Variants in TMEM132B observed in about 807,000 individuals in gnomAD.
TMEM132B encodes the protein transmembrane protein 132B.
TMEM132B carries 18 observed loss-of-function variants against 90.8 expected under a neutral mutation model. The observed-to-expected ratio is 0.20, with a 90% confidence interval of 0.14 to 0.29. The LOEUF (loss-of-function observed/expected upper bound fraction) is 0.29. Ranked by LOEUF, TMEM132B falls within the 10% of genes least tolerant of loss-of-function variation. The pLI is 1.00. For synonymous variants in TMEM132B, 504 were observed against 523.3 expected (o/e 0.96, Z 0.50); for missense variants, 1,096 against 1,326.8 (o/e 0.83, Z 2.70).
At chr12:125,220,526 G>T (rs1873533096) in intron 1 of TMEM132B, among the ~76,000 whole-genome samples, 2 of 152,244 alleles carry the variant, frequency 1.3e-5, no homozygotes. Flanking sequence ...GCCAGCCTTG[G>T]AGAAAGTGAC....
intron 1 of TMEM132B, among the ~76,000 whole-genome samples, chr12:125,235,714 A>G (rs1873920008): frequency 6.6e-6 from 1 of 151,544 alleles, no homozygotes; most frequent in Non-Finnish European, 1.5e-5. Context: ...ACTCGTACAA[A>G]TATGTGACCC....
At chr12:125,426,490 G>A (rs1386245413) in intron 3 of TMEM132B, among the ~76,000 whole-genome samples, 1 of 152,164 alleles carries the variant, frequency 6.6e-6, no homozygotes, top group Non-Finnish European at 1.5e-5. Context: ...GCAGAAGAAA[G>A]CATACTTGGG....
At chr12:125,548,736 A>C (rs1244352858) in intron 4 of TMEM132B, among the ~76,000 whole-genome samples, 1 of 152,220 alleles carries the variant, frequency 6.6e-6, no homozygotes, top group African/African-American at 2.4e-5. Context: ...GGGTTTGAGC[A>C]GAGGAGTTGA....
At chr12:125,255,229 C>T (rs1284326834) in intron 1 of TMEM132B, among the ~76,000 whole-genome samples, 1 of 151,624 alleles carries the variant, frequency 6.6e-6, no homozygotes, top group Admixed American at 6.6e-5. Context: ...GGAGCAAATT[C>T]TCTCTCTTCT....
At chr12:125,454,716 ATTTG>A (rs1881246505) in intron 3 of TMEM132B, among the ~76,000 whole-genome samples, 1 of 152,220 alleles carries the variant, frequency 6.6e-6, no homozygotes, top group Non-Finnish European at 1.5e-5. Flanking sequence ...AGGTTTCTCC[ATTTG>A]TTTGCTTTGC....
Position 125,661,998 on chromosome 12 carries a change from G to T in TMEM132B, c.*7288G>T, listed in dbSNP as rs1887215654. 3 of 152,266 alleles carry T rather than the reference G, an allele frequency of 2.0e-5. No individual in the cohort carries two copies. Among genetic ancestry groups the T allele is most frequent in the African/African-American group, 7.2e-5 (3 of 41,442 alleles). The allele number at this position is 152,266 out of a possible 1,614,324, so 9.4% of individuals were successfully genotyped here. On this transcript the variant is annotated 3_prime_UTR_variant, in exon 9 of 9. Transcript: ENST00000682704. ...CCAGCCTCAGACTCTTCTCAGGCAG[G>T]TGGACCGGATCTCAGCTGCAGAACA...
chr12:125,337,137 A>G, intron 1 of TMEM132B, among the ~76,000 whole-genome samples: 1 of 152,132 alleles, frequency 6.6e-6, no homozygotes, highest in Admixed American at 6.5e-5. Flanking sequence ...GAGTGTCTTT[A>G]TCTCCTCCTT....
intron 3 of TMEM132B, among the ~76,000 whole-genome samples, chr12:125,488,791 G>A (rs1004509554): frequency 1.3e-5 from 2 of 152,226 alleles, no homozygotes; most frequent in African/African-American, 4.8e-5. Flanking sequence ...TTCTGGACTT[G>A]GCTTAGCCCA....
chr12:125,432,207 G>A (rs1013456691), intron 3 of TMEM132B, among the ~76,000 whole-genome samples: 1 of 151,406 alleles, frequency 6.6e-6, no homozygotes, highest in African/African-American at 2.4e-5. Context: ...TGCATGGTCT[G>A]CCAGGCTGGT....
At chr12:125,303,923 T>G (rs556825320) in intron 1 of TMEM132B, among the ~76,000 whole-genome samples, 1 of 152,374 alleles carries the variant, frequency 6.6e-6, no homozygotes, top group African/African-American at 2.4e-5. Context: ...TCTCCCATTC[T>G]GTGAGCTGTC....
chr12:125,272,914 A>G (rs1206834229), intron 1 of TMEM132B, among the ~76,000 whole-genome samples: 1 of 152,210 alleles, frequency 6.6e-6, no homozygotes, highest in Admixed American at 6.5e-5. Flanking sequence ...AAACAGTCAG[A>G]TGCCGGGGGT....
intron 1 of TMEM132B, among the ~76,000 whole-genome samples, chr12:125,221,843 T>C (rs1420335588): frequency 2.0e-5 from 3 of 152,150 alleles, no homozygotes; most frequent in East Asian, 1.9e-4. Flanking sequence ...CTTGGACAAC[T>C]TGTGGGAAGG....
chr12:125,262,551 G>A (rs955735050), intron 1 of TMEM132B, among the ~76,000 whole-genome samples: 1 of 152,160 alleles, frequency 6.6e-6, no homozygotes, highest in East Asian at 1.9e-4. Flanking sequence ...GCGTGGGCTT[G>A]CCACTTTGCC....
Position 125,213,440 on chromosome 12 carries a change from G to C in TMEM132B, c.67+26574G>C, listed in dbSNP as rs998750806. Among the ~76,000 whole-genome samples the C allele has an allele frequency of 7.2e-5, 11 of 152,140 alleles. No homozygotes were observed. The highest frequency in any genetic ancestry group is 5.9e-4 in the Admixed American group (9 of 15,282). On this transcript the variant is annotated intron_variant, in intron 1 of 8. Transcript: ENST00000682704. This position sits in a 1 kb window ranked among gnomAD's most constrained non-coding sequence, Gnocchi z 4.2. ...TTTTCATTCTTTCTGGTATACCTGGGTAATTTTTAAAAGCTCCATATATGG... is the reference window on the plus strand; with the variant it reads ...TTTTCATTCTTTCTGGTATACCTGGCTAATTTTTAAAAGCTCCATATATGG...
At chr12:125,646,396 A>G (rs1416903188) in intron 6 of TMEM132B, among the ~76,000 whole-genome samples, 1 of 152,248 alleles carries the variant, frequency 6.6e-6, no homozygotes, top group Non-Finnish European at 1.5e-5. Context: ...AATAAATTTT[A>G]AGAGATTCAT....
chr12:125,386,968 G>A (rs538479897), intron 2 of TMEM132B, among the ~76,000 whole-genome samples: 2 of 152,252 alleles, frequency 1.3e-5, no homozygotes, highest in South Asian at 4.1e-4. Context: ...GGTACTCATA[G>A]TTAGTCTCTA....
At chr12:125,321,852 A>T (rs534605381) in intron 1 of TMEM132B, among the ~76,000 whole-genome samples, 10 of 146,406 alleles carry the variant, frequency 6.8e-5, no homozygotes, top group East Asian at 2.0e-4. Context: ...TATCTACTTT[A>T]AAAAAAAAAA....
At chr12:125,597,727 G>A (rs1386623745) in intron 5 of TMEM132B, among the ~76,000 whole-genome samples, 3 of 152,078 alleles carry the variant, frequency 2.0e-5, no homozygotes, top group Non-Finnish European at 2.9e-5. Flanking sequence ...AGTGCCTGCC[G>A]GGTGCCTGTC....
At chr12:125,504,790 T>TG (rs1270532571) in intron 3 of TMEM132B, among the ~76,000 whole-genome samples, 1 of 151,990 alleles carries the variant, frequency 6.6e-6, no homozygotes, top group African/African-American at 2.4e-5. Context: ...GAAGTACCCA[T>TG]GCAGGGAAGC....
Sources: gnomAD v4.1 joint callset for allele counts (sites outside exome capture counted in the v4.1 genomes callset) on GRCh38, gnomAD v4.1.1 for gene constraint, Gnocchi (gnomAD v3.1) non-coding constraint, MANE v1.5 for transcripts, NCBI Gene and HGNC (gene_info 2026-07-23, HGNC 2026-07-21) for gene names.